ARHGEF26: variants seen among roughly 807,000 people sequenced by gnomAD.
ARHGEF26 encodes the protein Rho guanine nucleotide exchange factor 26, also known as Rho guanine nucleotide exchange factor (GEF) 26.
ARHGEF26 carries 59 observed loss-of-function variants against 89.4 expected under a neutral mutation model. The ratio of observed to expected loss-of-function variants is 0.66; its 90% CI spans 0.54 to 0.82. The LOEUF is 0.82. Ranked by LOEUF, ARHGEF26 falls within the 40% of genes least tolerant of loss-of-function variation. The pLI, the probability that ARHGEF26 is intolerant of heterozygous loss-of-function variation, is 0.00. For missense variants in ARHGEF26, 1,234 were observed against 1,085.6 expected, an observed-to-expected ratio of 1.14 and a Z score of -1.92; for synonymous variants, 500 against 428.4, an observed-to-expected ratio of 1.17 and a Z score of -2.06.
intron 6 of ARHGEF26, among the ~76,000 whole-genome samples, chr3:154,166,272 G>C (rs897004708): frequency 2.6e-5 from 4 of 152,002 alleles, no homozygotes; most frequent in Non-Finnish European, 4.4e-5. Flanking sequence ...GAATGGTCTC[G>C]ATCTCCTGAC....
chr3:154,170,221 G>C (rs951610272), intron 6 of ARHGEF26, among the ~76,000 whole-genome samples: 1 of 152,040 alleles, frequency 6.6e-6, no homozygotes, highest in Admixed American at 6.5e-5. Context: ...AATTAACCTG[G>C]TGTGATGGTG....
chr3:154,244,318 G>T (rs1046442626), intron 12 of ARHGEF26, among the ~76,000 whole-genome samples: 7 of 152,198 alleles, frequency 4.6e-5, no homozygotes, highest in African/African-American at 1.7e-4. Flanking sequence ...TCATAAGACA[G>T]TGAAATTGTG....
chr3:154,141,036 A>G (rs1253561689), intron 4 of ARHGEF26, among the ~76,000 whole-genome samples: 2 of 151,310 alleles, frequency 1.3e-5, no homozygotes, highest in African/African-American at 4.9e-5. Context: ...ATCTCAGCTC[A>G]CTGCCAGCTC....
chr3:154,152,307 C>T (rs111705032), intron 5 of ARHGEF26, among the ~76,000 whole-genome samples: 10 of 152,036 alleles, frequency 6.6e-5, no homozygotes, highest in African/African-American at 2.4e-4. Context: ...GTGTGACACA[C>T]AAGAGGGAAG....
rs1460484464 is a variant in ARHGEF26, at chr3:154,228,611, T to C, written c.2090+2601T>C. Among the ~76,000 whole-genome samples, 7 of 152,074 alleles carry C rather than the reference T, an allele frequency of 4.6e-5. No homozygotes were observed. The East Asian group carries it at 1.3e-3, about 29-fold the overall frequency. Reference sequence around the variant, plus strand: ...TCTAGGGTGTTCTTAGGTAATAGTATTGGAGACCTAATTGTTTATGACCTG... The same window carrying C: ...TCTAGGGTGTTCTTAGGTAATAGTACTGGAGACCTAATTGTTTATGACCTG... On this transcript the variant is annotated intron_variant, in intron 11 of 14. Coordinates refer to ENST00000465093, the MANE Select transcript of ARHGEF26 (RefSeq NM_015595.4).
chr3:154,207,936 C>G (rs1445631819), intron 9 of ARHGEF26, among the ~76,000 whole-genome samples: 1 of 152,158 alleles, frequency 6.6e-6, no homozygotes, highest in Non-Finnish European at 1.5e-5. Context: ...AGATCATGTC[C>G]TTTGCAGGGA....
At chr3:154,223,873 T>TA (rs915328931) in intron 10 of ARHGEF26, among the ~76,000 whole-genome samples, 1 of 152,124 alleles carries the variant, frequency 6.6e-6, no homozygotes, top group African/African-American at 2.4e-5. Context: ...ATCTCAACAT[T>TA]AAAAAAATTA....
chr3:154,253,153 A>C lies in ARHGEF26; in HGVS notation c.2338A>C (p.Ser780Arg). 6.2e-7 allele frequency: 1 copy of C among 1,614,034 alleles called. No individual in the cohort carries two copies. The highest frequency in any genetic ancestry group is 8.5e-7 in the Non-Finnish European group (1 of 1,179,892). ...RARWITALGH[S>R]SGKPPADRTS... ...CCGCTGGATAACTGCCCTGGGACAC[A>C]GCAGCGGGAAGCCGCCTGCAGACCG... The change falls in exon 13 of 15, where the codon AGC becomes CGC. Residue 780 changes from serine to arginine, a missense_variant. Ser to Arg is a moderately radical substitution (Grantham distance 110, BLOSUM62 -1). Coordinates refer to ENST00000465093, the MANE Select transcript of ARHGEF26 (RefSeq NM_015595.4).
At chr3:154,202,990 T>C (rs1714750664) in intron 9 of ARHGEF26, among the ~76,000 whole-genome samples, 1 of 152,152 alleles carries the variant, frequency 6.6e-6, no homozygotes, top group East Asian at 1.9e-4. Context: ...TACCCTTTAT[T>C]TCCTTCTCCT....
intron 9 of ARHGEF26, among the ~76,000 whole-genome samples, chr3:154,207,112 T>C (rs1364825462): frequency 6.6e-6 from 1 of 152,038 alleles, no homozygotes; most frequent in Admixed American, 6.6e-5. Context: ...AAAATCAAGA[T>C]AGATTAAAGA....
chr3:154,217,766 C>G lies in ARHGEF26; in HGVS notation c.1846-103C>G, dbSNP rs1715858894. ...TGAGTTCTCTGTCAGAAATGAATCT[C>G]TAGGGCTTCCCAAGTGGTAATTATT... On this transcript the variant is annotated intron_variant, in intron 9 of 14. Coordinates refer to ENST00000465093, the MANE Select transcript of ARHGEF26 (RefSeq NM_015595.4). 3 of 853,702 alleles carry G rather than the reference C, an allele frequency of 3.5e-6. No homozygotes were observed. The Admixed American group carries it at 6.4e-5, about 18-fold the overall frequency. 52.9% of individuals were successfully genotyped at this position (853,702 alleles called of 1,614,324 possible).
At chr3:154,181,617 A>C (rs1288558292) in intron 6 of ARHGEF26, among the ~76,000 whole-genome samples, 2 of 151,970 alleles carry the variant, frequency 1.3e-5, no homozygotes, top group African/African-American at 4.8e-5. Flanking sequence ...TCTGAATTGG[A>C]TAGGGGAGGG....
intron 6 of ARHGEF26, among the ~76,000 whole-genome samples, chr3:154,157,649 T>C (rs767356145): frequency 5.3e-5 from 8 of 152,044 alleles, no homozygotes; most frequent in African/African-American, 9.7e-5. Context: ...TTGAGAGATA[T>C]TTAGAATATG....
chr3:154,255,294 A>T, intron 14 of ARHGEF26, 37 bp from the exon 15 acceptor site: 1 of 1,597,590 alleles, frequency 6.3e-7, no homozygotes, highest in Non-Finnish European at 8.5e-7. Context: ...CACTCCAAAT[A>T]CTTGTTGTTT....
intron 6 of ARHGEF26, among the ~76,000 whole-genome samples, chr3:154,172,820 T>G (rs1029448404): frequency 6.6e-6 from 1 of 152,236 alleles, no homozygotes. Flanking sequence ...CAAGGGTTTT[T>G]TTGGGTCATT....
intron 12 of ARHGEF26, among the ~76,000 whole-genome samples, chr3:154,247,744 T>C (rs1717888358): frequency 6.6e-6 from 1 of 152,216 alleles, no homozygotes; most frequent in South Asian, 2.1e-4. Flanking sequence ...TGTTTTTCAA[T>C]TTTTTGCTAT....
In ARHGEF26 at chr3:154,194,701, T is replaced by C. The variant is rs765989972; in HGVS notation, c.1828T>C (p.Leu610=). Reference sequence around the variant, plus strand: ...GAAGTATGAAGTCTGCAAAAGAGCCTTGAAGGAAGTTAGCAAGGTAACTGT... The same window carrying C: ...GAAGTATGAAGTCTGCAAAAGAGCCCTGAAGGAAGTTAGCAAGGTAACTGT... ...SPKYEVCKRA[L]KEVSKLVRLC... is the part of the protein sequence containing the mutation. Residue 610 remains leucine, a synonymous_variant, in exon 9 of 15, where the codon TTG becomes CTG. Transcript: ENST00000465093. The C allele has an allele frequency of 5.0e-6, 8 of 1,612,434 alleles. No homozygotes were observed. The Admixed American group carries it at 6.7e-5, about 13-fold the overall frequency.
chr3:154,141,233 G>A (rs969517967), intron 4 of ARHGEF26, among the ~76,000 whole-genome samples: 2 of 152,222 alleles, frequency 1.3e-5, no homozygotes, highest in Middle Eastern at 3.4e-3. Flanking sequence ...CCAAAATGCC[G>A]GGATTATAGG....
At position 154,129,602 on chromosome 3, in the gene ARHGEF26, GGAAAAGGCCCTT is replaced by G. The variant is rs746636607; in HGVS notation, c.1155_1166del (p.Glu385_Leu388del). ...ATGCTGTCCTGTATCAAAACTACAA[GGAAAAGGCCCTT>G]GACATTGATTCTGATGAAGAGTCAG... On this transcript the variant is annotated inframe_deletion, in exon 4 of 15. Coordinates refer to ENST00000465093, the MANE Select transcript of ARHGEF26 (RefSeq NM_015595.4). 1.6e-5 allele frequency: 26 copies of G among 1,611,684 alleles called. No individual in the cohort carries two copies. Among genetic ancestry groups the G allele is most frequent in the South Asian group, 2.2e-5 (2 of 90,424 alleles).
Sources: allele counts gnomAD v4.1 joint callset (sites outside exome capture counted in the v4.1 genomes callset), GRCh38; gene constraint gnomAD v4.1.1; transcripts MANE v1.5; gene names NCBI Gene and HGNC (gene_info 2026-07-23, HGNC 2026-07-21).